The following PRIM2 variants were observed in gnomAD, a reference collection of about 807,000 sequenced individuals.
PRIM2 encodes DNA primase subunit 2, also known as DNA primase large subunit.
Under a neutral mutation model 67.3 loss-of-function variants are expected in PRIM2, and 39 were observed. The ratio of observed to expected loss-of-function variants is 0.58; its 90% CI spans 0.45 to 0.76. PRIM2 has a LOEUF of 0.76. Ranked by LOEUF, PRIM2 falls within the 30% of genes least tolerant of loss-of-function variation. The probability of loss-of-function intolerance (pLI) is 0.00; values close to 1 mark genes in which losing one functional copy is unlikely to be tolerated. For missense variants in PRIM2, 398 were observed against 598.7 expected, an observed-to-expected ratio of 0.66 and a Z score of 3.50; for synonymous variants, 143 against 198.7, an observed-to-expected ratio of 0.72 and a Z score of 2.36.
intron 13 of PRIM2, among the ~76,000 whole-genome samples, chr6:57,633,825 A>T (rs1335231321): frequency 6.6e-6 from 1 of 152,146 alleles, no homozygotes; most frequent in Non-Finnish European, 1.5e-5. Context: ...GATGCAAGTG[A>T]TGGGGAGTAG....
At chr6:57,276,871 C>A in the PRIM2 span, among the ~76,000 whole-genome samples, 2 of 149,976 alleles carry the variant, frequency 1.3e-5, no homozygotes, top group African/African-American at 2.5e-5. Flanking sequence ...CCTGGGTGAC[C>A]AACTGAGACC....
chr6:57,480,717 C>T (rs1421166852), intron 7 of PRIM2, among the ~76,000 whole-genome samples: 2 of 152,202 alleles, frequency 1.3e-5, no homozygotes, highest in Non-Finnish European at 2.9e-5. Flanking sequence ...CAACCTCCGC[C>T]TCCCAGGTTC....
rs1337016723 is a variant in PRIM2, at chr6:57,439,415, T to TG, written c.693+57247_693+57248insG. Among the ~76,000 whole-genome samples, 6 of 120,582 alleles carry TG rather than the reference T, an allele frequency of 5.0e-5. No individual in the cohort carries two copies. In the East Asian group the frequency reaches 1.1e-3, roughly 22 times the overall value. The allele number at this position is 120,582 out of a possible 152,430, so 79.1% of individuals were successfully genotyped here. Reference sequence around the variant, plus strand: ...AGTAGAGGTACTCTGTTTTTTTTTTTTTTTTTTTTTTTTTTTTTGAGACAG... The same window carrying TG: ...AGTAGAGGTACTCTGTTTTTTTTTTTGTTTTTTTTTTTTTTTTTTGAGACAG... On this transcript the variant is annotated intron_variant, in intron 7 of 13. Transcript: ENST00000615550.
chr6:57,405,428 A>G (rs1404715717), intron 7 of PRIM2, among the ~76,000 whole-genome samples: 15 of 147,976 alleles, frequency 1.0e-4, no homozygotes, highest in African/African-American at 3.5e-4. Flanking sequence ...TTCATCATTA[A>G]TGAGAGAAAG....
At chr6:57,614,556 A>G (rs1776720287) in intron 12 of PRIM2, among the ~76,000 whole-genome samples, 1 of 152,096 alleles carries the variant, frequency 6.6e-6, no homozygotes, top group Non-Finnish European at 1.5e-5. Flanking sequence ...TCCTTAAAAT[A>G]TTGGTGTACG....
intron 8 of PRIM2, among the ~76,000 whole-genome samples, chr6:57,514,732 G>A (rs1441533662): frequency 2.6e-5 from 4 of 152,040 alleles, no homozygotes; most frequent in Non-Finnish European, 5.9e-5. Flanking sequence ...GTTAGAATCA[G>A]CCCGTTGTGT....
upstream of PRIM2, among the ~76,000 whole-genome samples, chr6:57,316,543 G>A (rs1767488769): frequency 6.6e-6 from 1 of 152,214 alleles, no homozygotes; most frequent in African/African-American, 2.4e-5. Context: ...TCCAGGCTGG[G>A]TAGATGCTTT....
chr6:57,283,817 C>A, the PRIM2 span, among the ~76,000 whole-genome samples: 1 of 151,902 alleles, frequency 6.6e-6, no homozygotes, highest in Non-Finnish European at 1.5e-5. Flanking sequence ...TCGTTTGGGG[C>A]CTAAATTATA....
At chr6:57,272,570 C>T in the PRIM2 span, among the ~76,000 whole-genome samples, 1 of 152,162 alleles carries the variant, frequency 6.6e-6, no homozygotes, top group Admixed American at 6.5e-5. Context: ...TGGTTCTTGA[C>T]TCTTTATCCA....
chr6:57,508,305 CTA>C (rs1774291253), intron 8 of PRIM2, among the ~76,000 whole-genome samples: 1 of 137,160 alleles, frequency 7.3e-6, no homozygotes, highest in East Asian at 2.4e-4. Context: ...GTTTATGTGA[CTA>C]TTTTTTCCAT....
chr6:57,396,399 A>G (rs1456246162), intron 7 of PRIM2, among the ~76,000 whole-genome samples: 6 of 152,202 alleles, frequency 3.9e-5, no homozygotes, highest in Non-Finnish European at 8.8e-5. Flanking sequence ...TTACCATTCT[A>G]TAATGTCCCT....
the PRIM2 span, among the ~76,000 whole-genome samples, chr6:57,268,070 G>A: frequency 3.9e-5 from 6 of 152,284 alleles, no homozygotes; most frequent in African/African-American, 1.4e-4. Flanking sequence ...TGCAGTTCAA[G>A]TGAGATGGAT....
intron 7 of PRIM2, among the ~76,000 whole-genome samples, chr6:57,483,376 TC>T (rs1199879926): frequency 6.6e-6 from 1 of 152,176 alleles, no homozygotes; most frequent in Non-Finnish European, 1.5e-5. Context: ...TGTCTTATAG[TC>T]CTACCAGTGG....
chr6:57,481,472 G>A (rs1213875055), intron 7 of PRIM2, among the ~76,000 whole-genome samples: 1 of 152,178 alleles, frequency 6.6e-6, no homozygotes, highest in African/African-American at 2.4e-5. Flanking sequence ...CATAGTATTT[G>A]TTTAACCATT....
chr6:57,446,278 CTGTTTTTTT>C (rs1581912233), intron 7 of PRIM2, among the ~76,000 whole-genome samples: 1 of 134,432 alleles, frequency 7.4e-6, no homozygotes, highest in East Asian at 2.0e-4. Context: ...TCATGAGTAA[CTGTTTTTTT>C]TGTTTTTTTT....
intron 10 of PRIM2, among the ~76,000 whole-genome samples, chr6:57,556,361 G>C (rs1453310988): frequency 1.3e-5 from 2 of 152,096 alleles, no homozygotes; most frequent in Non-Finnish European, 2.9e-5. Context: ...GAACAAAGCT[G>C]GAGGCATCAT....
intron 10 of PRIM2, among the ~76,000 whole-genome samples, chr6:57,577,212 C>T (rs1420178387): frequency 2.0e-5 from 3 of 152,106 alleles, no homozygotes; most frequent in Non-Finnish European, 4.4e-5. Flanking sequence ...TGCAGATCCT[C>T]ATAACATGGT....
intron 8 of PRIM2, among the ~76,000 whole-genome samples, chr6:57,524,706 T>TA (rs1379539540): frequency 0.011 from 1,529 of 144,516 alleles, 32 homozygotes; most frequent in African/African-American, 0.034. Context: ...CGTCTCAAAT[T>TA]AAAAAAAAAA....
the PRIM2 span, among the ~76,000 whole-genome samples, chr6:57,302,322 C>T: frequency 0.029 from 4,448 of 152,242 alleles, 100 homozygotes; most frequent in Non-Finnish European, 0.051. Context: ...ACTGTTGACT[C>T]TTTAAGTGCT....
Sources: allele counts gnomAD v4.1 joint callset (sites outside exome capture counted in the v4.1 genomes callset), GRCh38; gene constraint gnomAD v4.1.1; transcripts MANE v1.5; gene names NCBI Gene and HGNC (gene_info 2026-07-23, HGNC 2026-07-21).